ROR2: variants seen among roughly 807,000 people sequenced by gnomAD.
The protein encoded by ROR2 is tyrosine-protein kinase transmembrane receptor ROR2.
In ROR2, 33 loss-of-function variants were observed where a neutral mutation model predicts 74.9. That is an observed-to-expected ratio of 0.44 (90% CI 0.33 to 0.59). The LOEUF is 0.59. Ranked by LOEUF, ROR2 falls within the 20% of genes least tolerant of loss-of-function variation. ROR2 has a pLI of 0.02. For synonymous variants in ROR2, 586 were observed against 558.7 expected, an observed-to-expected ratio of 1.05 and a Z score of -0.69; for missense variants, 1,216 against 1,313.8, an observed-to-expected ratio of 0.93 and a Z score of 1.15.
intron 1 of ROR2, among the ~76,000 whole-genome samples, chr9:91,820,875 G>A (rs1297963641): frequency 6.6e-6 from 1 of 152,162 alleles, no homozygotes; most frequent in Non-Finnish European, 1.5e-5. Context: ...GCCAAGGCGG[G>A]TGGATCACCT....
chr9:91,885,775 C>T (rs1470148818), intron 1 of ROR2, among the ~76,000 whole-genome samples: 1 of 149,986 alleles, frequency 6.7e-6, no homozygotes, highest in Non-Finnish European at 1.5e-5. Flanking sequence ...GAATAACACA[C>T]AAAATAAAAC....
In ROR2 at chr9:91,724,480, C is replaced by G. The variant is rs55651110; in HGVS notation, c.2014G>C (p.Asp672His). The G allele has an allele frequency of 6.2e-7, 1 of 1,614,054 alleles. No individual in the cohort carries two copies. Residue 672 changes from aspartate to histidine, a missense_variant, in exon 9 of 9, where the codon GAC becomes CAC. Asp to His is a moderately conservative substitution (Grantham distance 81). Coordinates refer to ENST00000375708, the MANE Select transcript of ROR2 (RefSeq NM_004560.4). ...ACACCGTAGGACCAGATGTCTGAGT[C>G]GATGGAGAACTTGCCGTACATGATG... ...EAIMYGKFSI[D>H]SDIWSYGVVL...
chr9:91,896,084 T>C (rs1278356306), intron 1 of ROR2, among the ~76,000 whole-genome samples: 2 of 152,160 alleles, frequency 1.3e-5, no homozygotes, highest in Non-Finnish European at 2.9e-5. Flanking sequence ...CCAAGGTTAA[T>C]GTTGCAAAAA....
At chr9:91,915,189 G>A (rs1196388113) in intron 1 of ROR2, among the ~76,000 whole-genome samples, 3 of 152,098 alleles carry the variant, frequency 2.0e-5, no homozygotes, top group East Asian at 1.9e-4. Context: ...TAGGTGCAGC[G>A]GCCTCCACCT....
intron 1 of ROR2, among the ~76,000 whole-genome samples, chr9:91,819,552 T>A (rs2119139351): frequency 6.6e-6 from 1 of 151,812 alleles, no homozygotes; most frequent in South Asian, 2.1e-4. Flanking sequence ...TGAGTGTGTA[T>A]CTTTGTGTGT....
chr9:91,767,691 C>T (rs1430796482), intron 2 of ROR2, among the ~76,000 whole-genome samples: 3 of 152,216 alleles, frequency 2.0e-5, no homozygotes, highest in Non-Finnish European at 2.9e-5. Flanking sequence ...GGCTTTCCCA[C>T]TGAGCTGTTG....
At position 91,733,512 on chromosome 9, in the gene ROR2, G is replaced by A; in HGVS notation, c.623-76C>T. 2.0e-6 allele frequency: 3 copies of A among 1,471,820 alleles called. No individual in the cohort carries two copies. The highest frequency in any genetic ancestry group is 2.7e-6 in the Non-Finnish European group (3 of 1,095,718). 91.2% of individuals were successfully genotyped at this position (1,471,820 alleles called of 1,614,324 possible). ...GACATTCATCCAGTCCCCACCCCCA[G>A]CCTGGCATCCCAGACTGCCCACTCA... On this transcript the variant is annotated intron_variant, in intron 5 of 8. Transcript: ENST00000375708. This position sits in a 1 kb window ranked among gnomAD's most constrained non-coding sequence, Gnocchi z 5.7.
At chr9:91,924,634 A>C (rs530578768) in intron 1 of ROR2, among the ~76,000 whole-genome samples, 1 of 152,290 alleles carries the variant, frequency 6.6e-6, no homozygotes, top group Admixed American at 6.5e-5. Flanking sequence ...TCTACTAAAA[A>C]TACAAAAAAC....
chr9:91,761,319 T>C (rs1283360956), intron 2 of ROR2, among the ~76,000 whole-genome samples: 1 of 152,222 alleles, frequency 6.6e-6, no homozygotes, highest in Non-Finnish European at 1.5e-5. Context: ...TCAAGAGCAT[T>C]ACATTTATTG....
intron 1 of ROR2, among the ~76,000 whole-genome samples, chr9:91,792,952 AG>A (rs1255398695): frequency 6.6e-6 from 1 of 152,222 alleles, no homozygotes. Context: ...AGGAACACAA[AG>A]GACTAAAAGG....
At chr9:91,795,990 C>T (rs1307254902) in intron 1 of ROR2, among the ~76,000 whole-genome samples, 1 of 152,274 alleles carries the variant, frequency 6.6e-6, no homozygotes, top group Non-Finnish European at 1.5e-5. Flanking sequence ...ATGAAAAGAA[C>T]AAGTGCTGGT....
chr9:91,775,774 C>G lies in ROR2; in HGVS notation c.142G>C (p.Asp48His). The part of the protein sequence containing the change: ...LDPNDPLGPL[D>H]GQDGPIPTLK... Reference sequence around the variant, plus strand: ...GTTGGAATCGGGCCGTCCTGCCCATCAAGGGGTCCTAAAGGGTCGTTCGGA... The same window carrying G: ...GTTGGAATCGGGCCGTCCTGCCCATGAAGGGGTCCTAAAGGGTCGTTCGGA... Residue 48 changes from aspartate (D) to histidine (H), a missense_variant, in exon 2 of 9, where the codon GAT (aspartate) becomes CAT (histidine). Transcript: ENST00000375708. The G allele has an allele frequency of 6.2e-7, 1 of 1,614,230 alleles. No homozygotes were observed. The highest frequency in any genetic ancestry group is 8.5e-7 in the Non-Finnish European group (1 of 1,180,044).
At chr9:91,729,609 G>A (rs182807750) in intron 7 of ROR2, among the ~76,000 whole-genome samples, 75 of 152,268 alleles carry the variant, frequency 4.9e-4, no homozygotes, top group South Asian at 4.4e-3. Flanking sequence ...GCCCAGCCTC[G>A]CTTCACCGGC....
chr9:91,824,602 T>G (rs959809337), intron 1 of ROR2, among the ~76,000 whole-genome samples: 18 of 152,088 alleles, frequency 1.2e-4, no homozygotes, highest in African/African-American at 4.3e-4. Flanking sequence ...TGCAACCAAA[T>G]CCCAATGTTT....
At chr9:91,760,506 C>T (rs561235274) in intron 2 of ROR2, among the ~76,000 whole-genome samples, 23 of 151,966 alleles carry the variant, frequency 1.5e-4, no homozygotes, top group Admixed American at 6.5e-4. Flanking sequence ...AGGTGGCGGG[C>T]GCCTGTACTC....
Position 91,733,919 on chromosome 9 carries a change from T to A in ROR2, c.623-483A>T, listed in dbSNP as rs1824925618. 6.6e-6 allele frequency among the ~76,000 whole-genome samples: 1 copy of A among 152,046 alleles called. No homozygotes were observed. Among genetic ancestry groups the A allele is most frequent in the Admixed American group, 6.5e-5 (1 of 15,272 alleles). Reference sequence around the variant, plus strand: ...TCCCGGAAGAGGGAGTCAGCTCAGCTCTGTGAACTGCAGCTGGAGGAGACA... The same window carrying A: ...TCCCGGAAGAGGGAGTCAGCTCAGCACTGTGAACTGCAGCTGGAGGAGACA... On this transcript the variant is annotated intron_variant, in intron 5 of 8. Coordinates refer to ENST00000375708, the MANE Select transcript of ROR2 (RefSeq NM_004560.4). This position sits in a 1 kb window ranked among gnomAD's most constrained non-coding sequence, Gnocchi z 5.7.
At chr9:91,839,261 T>G (rs987245771) in intron 1 of ROR2, among the ~76,000 whole-genome samples, 1 of 80,918 alleles carries the variant, frequency 1.2e-5, no homozygotes, top group African/African-American at 5.3e-5. Flanking sequence ...GGTGTGTGTG[T>G]GTGTGTGTGT....
chr9:91,743,985 A>G (rs1361982169), intron 4 of ROR2, among the ~76,000 whole-genome samples: 1 of 152,244 alleles, frequency 6.6e-6, no homozygotes, highest in Non-Finnish European at 1.5e-5. Flanking sequence ...GTACATTCAT[A>G]CAACAGAATA....
At chr9:91,764,955 A>T (rs1487247249) in intron 2 of ROR2, among the ~76,000 whole-genome samples, 1 of 152,102 alleles carries the variant, frequency 6.6e-6, no homozygotes, top group Non-Finnish European at 1.5e-5. Flanking sequence ...TCCCCTTCTT[A>T]GGCTATTTTC....
Sources: gnomAD v4.1 joint callset for allele counts (sites outside exome capture counted in the v4.1 genomes callset) on GRCh38, gnomAD v4.1.1 for gene constraint, Gnocchi (gnomAD v3.1) non-coding constraint, MANE v1.5 for transcripts, NCBI Gene and HGNC (gene_info 2026-07-23, HGNC 2026-07-21) for gene names.